The following CACNA2D1 variants were observed in gnomAD, a reference collection of about 807,000 sequenced individuals.
CACNA2D1 encodes the protein calcium voltage-gated channel auxiliary subunit alpha2delta 1, also known as voltage-dependent calcium channel subunit alpha-2/delta-1.
Under a neutral mutation model 171.5 loss-of-function variants are expected in CACNA2D1, and 53 were observed. The ratio of observed to expected loss-of-function variants is 0.31; its 90% CI spans 0.25 to 0.39. The LOEUF (loss-of-function observed/expected upper bound fraction) is 0.39. Ranked by LOEUF, CACNA2D1 falls within the 10% of genes least tolerant of loss-of-function variation. CACNA2D1 has a pLI of 1.00. For missense variants in CACNA2D1, 903 were observed against 1,299.8 expected (o/e 0.69, Z 4.69); for synonymous variants, 442 against 443.1 (o/e 1.00, Z 0.03).
At chr7:82,401,037 G>C (rs376451502) in intron 1 of CACNA2D1, among the ~76,000 whole-genome samples, 2 of 151,938 alleles carry the variant, frequency 1.3e-5, no homozygotes, top group African/African-American at 4.8e-5. Flanking sequence ...AATGGCAATC[G>C]TTAAAAAGTC....
At chr7:82,112,917 GATT>G (rs1293241994) in intron 6 of CACNA2D1, among the ~76,000 whole-genome samples, 1 of 152,120 alleles carries the variant, frequency 6.6e-6, no homozygotes, top group Non-Finnish European at 1.5e-5. Context: ...TAATGTCAGT[GATT>G]ATTAGCTTAA....
chr7:82,153,015 G>A (rs1794014839), intron 4 of CACNA2D1, among the ~76,000 whole-genome samples: 1 of 150,826 alleles, frequency 6.6e-6, no homozygotes, highest in African/African-American at 2.4e-5. Context: ...CACCTAAGCT[G>A]ATTTCTGTGA....
chr7:82,387,952 T>C, intron 1 of CACNA2D1, among the ~76,000 whole-genome samples: 1 of 151,360 alleles, frequency 6.6e-6, no homozygotes, highest in East Asian at 2.0e-4. Context: ...CATGGTGGCA[T>C]GGGCCTGTAG....
At chr7:82,226,072 T>G (rs1250227344) in intron 3 of CACNA2D1, among the ~76,000 whole-genome samples, 1 of 152,212 alleles carries the variant, frequency 6.6e-6, no homozygotes, top group Non-Finnish European at 1.5e-5. Flanking sequence ...TTAAAACAAA[T>G]GTCCTAGGTA....
chr7:82,308,880 G>C (rs759874808), intron 3 of CACNA2D1, among the ~76,000 whole-genome samples: 10 of 152,186 alleles, frequency 6.6e-5, no homozygotes, highest in Non-Finnish European at 1.2e-4. Flanking sequence ...AGAAGTGCAA[G>C]TTTAAGGTTG....
At chr7:82,227,992 TC>T (rs1330748639) in intron 3 of CACNA2D1, among the ~76,000 whole-genome samples, 2 of 151,956 alleles carry the variant, frequency 1.3e-5, no homozygotes, top group African/African-American at 2.4e-5. Context: ...TTTATAACAA[TC>T]CCCTACCCTA....
chr7:82,174,814 A>G (rs1057422037), intron 3 of CACNA2D1, among the ~76,000 whole-genome samples: 2 of 152,118 alleles, frequency 1.3e-5, no homozygotes, highest in African/African-American at 2.4e-5. Flanking sequence ...GCTAATCAGT[A>G]AAAACGCTTT....
At chr7:82,313,302 T>C (rs1278000383) in intron 3 of CACNA2D1, among the ~76,000 whole-genome samples, 1 of 152,030 alleles carries the variant, frequency 6.6e-6, no homozygotes, top group Non-Finnish European at 1.5e-5. Context: ...ATATATTTCT[T>C]TGACCTATTT....
intron 4 of CACNA2D1, among the ~76,000 whole-genome samples, chr7:82,159,730 T>C (rs1390705705): frequency 6.8e-6 from 1 of 148,016 alleles, no homozygotes; most frequent in East Asian, 2.0e-4. Context: ...CAGGTGAAAA[T>C]AAGAATGGAG....
chr7:82,170,007 T>G (rs1795853185), intron 4 of CACNA2D1, among the ~76,000 whole-genome samples: 1 of 151,856 alleles, frequency 6.6e-6, no homozygotes, highest in African/African-American at 2.4e-5. Context: ...ATGCAACCGC[T>G]AATGTCAGCT....
intron 3 of CACNA2D1, among the ~76,000 whole-genome samples, chr7:82,328,000 T>C (rs1415779276): frequency 1.3e-5 from 2 of 152,190 alleles, no homozygotes; most frequent in Non-Finnish European, 2.9e-5. Context: ...TGTTGGGTCC[T>C]ATCTGAGACC....
chr7:81,959,663 A>ATTC, intron 37 of CACNA2D1, 57 bp downstream of exon 37: 3 of 1,530,044 alleles, frequency 2.0e-6, no homozygotes. Flanking sequence ...ATGTGACAAG[A>ATTC]TTCAAAATGC....
rs1378191116 is a variant in CACNA2D1, at chr7:82,171,402, A to C, written c.295-793T>G. 3.3e-5 allele frequency among the ~76,000 whole-genome samples: 5 copies of C among 151,912 alleles called. 1 individual carries two copies. The highest frequency in any genetic ancestry group is 4.1e-4 in the South Asian group (2 of 4,820). On this transcript the variant is annotated intron_variant, in intron 3 of 38. Transcript: ENST00000356860. ...GATGTTCTCCATGTGATAGGCTTTC[A>C]TAAGACAGTGACATTTAATGGTTAG... is the stretch of plus-strand genomic sequence containing the variant.
chr7:82,074,177 G>A, intron 7 of CACNA2D1, among the ~76,000 whole-genome samples: 1 of 152,154 alleles, frequency 6.6e-6, no homozygotes, highest in Non-Finnish European at 1.5e-5. Flanking sequence ...ATGCCAGCTT[G>A]TATAATTCAC....
intron 26 of CACNA2D1, among the ~76,000 whole-genome samples, chr7:81,971,563 A>G (rs570444058): frequency 6.6e-6 from 1 of 151,792 alleles, no homozygotes; most frequent in South Asian, 2.1e-4. Context: ...CCTGAAGTGT[A>G]TGTGCATGAA....
At chr7:82,379,919 T>C (rs773835142) in intron 1 of CACNA2D1, among the ~76,000 whole-genome samples, 33 of 152,164 alleles carry the variant, frequency 2.2e-4, no homozygotes, top group Non-Finnish European at 4.1e-4. Flanking sequence ...CTATTTTCCA[T>C]TAAAAATAAG....
intron 22 of CACNA2D1, among the ~76,000 whole-genome samples, chr7:81,984,205 A>C (rs1418114939): frequency 6.6e-6 from 1 of 152,228 alleles, no homozygotes; most frequent in East Asian, 1.9e-4. Context: ...TTCTGGCCAA[A>C]TGCAAAATAA....
intron 7 of CACNA2D1, among the ~76,000 whole-genome samples, chr7:82,066,832 T>G (rs1807692401): frequency 6.6e-6 from 1 of 152,136 alleles, no homozygotes; most frequent in Non-Finnish European, 1.5e-5. Context: ...GTTATAATTT[T>G]TTTCCTAACA....
chr7:82,167,082 T>G (rs1795532454), intron 4 of CACNA2D1, among the ~76,000 whole-genome samples: 1 of 152,074 alleles, frequency 6.6e-6, no homozygotes, highest in Non-Finnish European at 1.5e-5. Flanking sequence ...ATGTACCTTT[T>G]AGGAAATTAT....
Sources: gnomAD v4.1 joint callset for allele counts (sites outside exome capture counted in the v4.1 genomes callset) on GRCh38, gnomAD v4.1.1 for gene constraint, MANE v1.5 for transcripts, NCBI Gene and HGNC (gene_info 2026-07-23, HGNC 2026-07-21) for gene names.